Variants in NEK5 observed in about 807,000 individuals in gnomAD.
The protein encoded by NEK5 is NIMA related kinase 5.
Under a neutral mutation model 109.2 loss-of-function variants are expected in NEK5, and 88 were observed. That is an observed-to-expected ratio of 0.81 (90% CI 0.68 to 0.96). The LOEUF is 0.96. Among genes scored for constraint, NEK5 ranks in the 40% least tolerant of loss-of-function variants. NEK5 has a pLI of 0.00. For synonymous variants in NEK5, 283 were observed against 299.9 expected, an observed-to-expected ratio of 0.94 and a Z score of 0.58; for missense variants, 834 against 920.7, an observed-to-expected ratio of 0.91 and a Z score of 1.22.
chr13:52,092,432 AAAG>A (rs1189791949), intron 13 of NEK5, among the ~76,000 whole-genome samples: 2 of 151,960 alleles, frequency 1.3e-5, no homozygotes, highest in Non-Finnish European at 1.5e-5. Context: ...AACAAAAAAA[AAAG>A]AAAGAAAGGC....
intron 12 of NEK5, among the ~76,000 whole-genome samples, chr13:52,096,143 G>A (rs892605263): frequency 1.3e-5 from 2 of 152,150 alleles, no homozygotes; most frequent in Non-Finnish European, 2.9e-5. Flanking sequence ...CTGCAGAACT[G>A]TGAGCCAATT....
intron 18 of NEK5, 68 bp from the exon 19 acceptor site, chr13:52,075,894 A>C: frequency 9.1e-7 from 1 of 1,102,614 alleles, no homozygotes; most frequent in African/African-American, 1.6e-5. Context: ...ACAACTCCCT[A>C]GGTCAATTTT....
chr13:52,072,437 C>T (rs1954799517), intron 19 of NEK5, among the ~76,000 whole-genome samples: 1 of 152,208 alleles, frequency 6.6e-6, no homozygotes, highest in African/African-American at 2.4e-5. Context: ...AAATCTGCTC[C>T]TAGTATTTTG....
At chr13:52,051,136 T>C (rs1442630432) in intron 22 of NEK5, among the ~76,000 whole-genome samples, 2 of 152,064 alleles carry the variant, frequency 1.3e-5, no homozygotes, top group African/African-American at 2.4e-5. Flanking sequence ...TAAACGTTTT[T>C]TAAAGGCCTT....
In NEK5 at chr13:52,105,266, T is replaced by C. The variant is rs180837223; in HGVS notation, c.555-714A>G. ...GTGTGTGTGTGTGTGTGTGTGTGTG[T>C]GTGTGTGTCAGAGAGAAGGAGAGAG... On this transcript the variant is annotated intron_variant, in intron 8 of 23. Coordinates refer to ENST00000684899, the MANE Select transcript of NEK5 (RefSeq NM_001365552.1). Among the ~76,000 whole-genome samples, 6 of 120,912 alleles carry C rather than the reference T, an allele frequency of 5.0e-5. No homozygotes were observed. The East Asian group carries it at 1.7e-3, about 33-fold the overall frequency. The allele number at this position is 120,912 out of a possible 152,430, so 79.3% of individuals were successfully genotyped here.
At position 52,098,261 on chromosome 13, in the gene NEK5, C is replaced by CAAATAAATAAATAAAT. The variant is rs34554364; in HGVS notation, c.1026+1466_1026+1481dup. Among the ~76,000 whole-genome samples, 528 of 146,990 alleles carry CAAATAAATAAATAAAT rather than the reference C, an allele frequency of 3.6e-3. 1 individual carries two copies. Among genetic ancestry groups the CAAATAAATAAATAAAT allele is most frequent in the Non-Finnish European group, 4.0e-3 (268 of 67,030 alleles). On this transcript the variant is annotated intron_variant, in intron 12 of 23. Coordinates refer to ENST00000684899, the MANE Select transcript of NEK5 (RefSeq NM_001365552.1). The stretch of plus-strand genomic sequence containing the variant: ...TGGGTGACACAGCAGGACCCTCTTT[C>CAAATAAATAAATAAAT]AAATAAATAAATAAATAAATAAATA...
chr13:52,117,778 A>C (rs764282559), intron 4 of NEK5, among the ~76,000 whole-genome samples: 2 of 152,246 alleles, frequency 1.3e-5, no homozygotes, highest in African/African-American at 2.4e-5. Flanking sequence ...GACATATGTA[A>C]GTACAACTGC....
At chr13:52,127,929 TA>T in intron 1 of NEK5, among the ~76,000 whole-genome samples, 1 of 152,186 alleles carries the variant, frequency 6.6e-6, no homozygotes, top group East Asian at 1.9e-4. Flanking sequence ...TACTGCCCCC[TA>T]GGGGGAATTC....
chr13:52,099,806 T>G lies in NEK5; in HGVS notation c.963A>C (p.Lys321Asn), dbSNP rs780932217. 6.2e-7 allele frequency: 1 copy of G among 1,613,940 alleles called. No homozygotes were observed. Among genetic ancestry groups the G allele is most frequent in the Non-Finnish European group, 8.5e-7 (1 of 1,179,790 alleles). The change falls in exon 12 of 24, where the codon AAA becomes AAC. Residue 321 changes from lysine to asparagine, a missense_variant. Transcript: ENST00000684899. ...CATTTCTATGCAATATAGCATTCCT[T>G]TTAATTGGCACAGATATCCTTGATC... ...PPRSRISVPI[K>N]RNAILHRNEW...
Position 52,099,849 on chromosome 13 carries a change from T to G in NEK5, c.920A>C (p.Gln307Pro). Residue 307 changes from glutamine (Q) to proline (P), a missense_variant, in exon 12 of 24, where the codon CAG becomes CCG. Physicochemically the swap from Gln to Pro is moderately conservative, Grantham distance 76. Coordinates refer to ENST00000684899, the MANE Select transcript of NEK5 (RefSeq NM_001365552.1). ...QKCKIQKVRF[Q>P]GKCPPRSRIS... ...CCTTGATCTTGGTGGGCACTTTCCCTGGAATCTCACTTTTTGTATTTTACA... is the reference window on the plus strand; with the variant it reads ...CCTTGATCTTGGTGGGCACTTTCCCGGGAATCTCACTTTTTGTATTTTACA... 1.2e-6 allele frequency: 2 copies of G among 1,613,792 alleles called. No homozygotes were observed. The highest frequency in any genetic ancestry group is 2.7e-5 in the African/African-American group (2 of 75,044).
rs1566827711 is a variant in NEK5, at chr13:52,119,300, GAATATTAGAAAATCA to G, written c.214+4_214+18del. Reference sequence around the variant, plus strand: ...CCTATACTTTATAAAAATACTTAACGAATATTAGAAAATCAAACCTTGAAATGAATTGAAGAAGGC... The same window carrying G: ...CCTATACTTTATAAAAATACTTAACGAACCTTGAAATGAATTGAAGAAGGC... On this transcript the variant is annotated splice_donor_5th_base_variant and intron_variant, in intron 4 of 23. Transcript: ENST00000684899. 1.4e-6 allele frequency: 2 copies of G among 1,388,606 alleles called. No individual in the cohort carries two copies. The highest frequency in any genetic ancestry group is 2.4e-5 in the South Asian group (2 of 81,900). The allele number at this position is 1,388,606 out of a possible 1,614,324, so 86.0% of individuals were successfully genotyped here.
chr13:52,076,014 C>G lies in NEK5; in HGVS notation c.1653+49G>C, dbSNP rs772112210. On this transcript the variant is annotated intron_variant, in intron 18 of 23. Coordinates refer to ENST00000684899, the MANE Select transcript of NEK5 (RefSeq NM_001365552.1). ...AGGCAACCGAGATCACAAGGTGGCT[C>G]CCCAGCCAGCTATTTAATATGGAAC... is the stretch of plus-strand genomic sequence containing the variant. The G allele has an allele frequency of 1.7e-5, 21 of 1,203,746 alleles. No individual in the cohort carries two copies. The South Asian group carries it at 2.6e-4, about 15-fold the overall frequency. The allele number at this position is 1,203,746 out of a possible 1,614,324, so 74.6% of individuals were successfully genotyped here. A position where few individuals can be genotyped will look rare whatever the true frequency, so the allele number is the denominator to read the frequency against.
chr13:52,127,509 A>T lies in NEK5; in HGVS notation c.-22-5T>A. ...GTCTCCAATGGGCTGAGTTTCCTGG[A>T]ATTAGAGTAATGTAAATTTATCACA... On this transcript the variant is annotated splice_polypyrimidine_tract_variant and splice_region_variant and intron_variant, in intron 2 of 23. Coordinates refer to ENST00000684899, the MANE Select transcript of NEK5 (RefSeq NM_001365552.1). The T allele has an allele frequency of 2.6e-6, 3 of 1,161,444 alleles. No individual in the cohort carries two copies. The highest frequency in any genetic ancestry group is 3.9e-6 in the Non-Finnish European group (3 of 771,146). The allele number at this position is 1,161,444 out of a possible 1,614,324, so 71.9% of individuals were successfully genotyped here.
intron 21 of NEK5, among the ~76,000 whole-genome samples, chr13:52,063,793 C>T (rs1352735757): frequency 6.6e-6 from 1 of 151,620 alleles, no homozygotes; most frequent in Non-Finnish European, 1.5e-5. Context: ...GACCCTCCGC[C>T]TGGCAACCGC....
intron 21 of NEK5, among the ~76,000 whole-genome samples, chr13:52,064,249 C>T (rs1289353397): frequency 1.4e-5 from 2 of 141,890 alleles, no homozygotes; most frequent in Non-Finnish European, 3.1e-5. Flanking sequence ...CCCCGCCCAG[C>T]CAGCCGCCCC....
chr13:52,056,693 G>T (rs1954558935), intron 22 of NEK5, among the ~76,000 whole-genome samples: 1 of 151,598 alleles, frequency 6.6e-6, no homozygotes, highest in African/African-American at 2.4e-5. Context: ...GCTCCTGAAT[G>T]ACTAGTGGGT....
chr13:52,103,571 C>T (rs1039122191), intron 9 of NEK5, among the ~76,000 whole-genome samples: 3 of 152,202 alleles, frequency 2.0e-5, no homozygotes, highest in Non-Finnish European at 2.9e-5. Context: ...AATGTTGGCC[C>T]GTGGCTGGTG....
chr13:52,093,491 T>C (rs1033637989), intron 12 of NEK5, among the ~76,000 whole-genome samples: 51 of 151,448 alleles, frequency 3.4e-4, no homozygotes, highest in African/African-American at 1.1e-3. Context: ...ACCCAGGAGG[T>C]GGAGGTTGCA....
intron 12 of NEK5, among the ~76,000 whole-genome samples, chr13:52,095,230 T>G (rs1203531967): frequency 2.0e-5 from 3 of 152,210 alleles, no homozygotes; most frequent in Admixed American, 6.5e-5. Flanking sequence ...CCACTGCACC[T>G]GCCTATTTTT....
Sources: gnomAD v4.1 joint callset for allele counts (sites outside exome capture counted in the v4.1 genomes callset) on GRCh38, gnomAD v4.1.1 for gene constraint, MANE v1.5 for transcripts, NCBI Gene and HGNC (gene_info 2026-07-23, HGNC 2026-07-21) for gene names.